The following AGMO variants were observed in gnomAD, a reference collection of about 807,000 sequenced individuals.
AGMO encodes alkylglycerol monooxygenase.
In AGMO, 75 loss-of-function variants were observed where a neutral mutation model predicts 60.2. The observed-to-expected ratio is 1.25, with a 90% CI of 1.03 to 1.51. The LOEUF (loss-of-function observed/expected upper bound fraction) is 1.51. Among genes scored for constraint, AGMO ranks in the 40% most tolerant of loss-of-function variants. AGMO has a pLI of 0.00. For synonymous variants in AGMO, 261 were observed against 177.1 expected, an observed-to-expected ratio of 1.47 and a Z score of -3.76; for missense variants, 763 against 525.5, an observed-to-expected ratio of 1.45 and a Z score of -4.42.
intron 3 of AGMO, among the ~76,000 whole-genome samples, chr7:15,473,049 A>T (rs1375511320): frequency 1.3e-5 from 2 of 151,928 alleles, no homozygotes; most frequent in Non-Finnish European, 2.9e-5. Context: ...ATAAATCTAT[A>T]TTATAAAATA....
At chr7:15,246,124 A>G (rs1049946510) in intron 12 of AGMO, among the ~76,000 whole-genome samples, 7 of 152,226 alleles carry the variant, frequency 4.6e-5, no homozygotes, top group Admixed American at 4.6e-4. Flanking sequence ...AAATCATGTA[A>G]TAATTCAAAC....
At chr7:15,415,564 CA>C (rs1171225938) in intron 5 of AGMO, among the ~76,000 whole-genome samples, 2 of 151,864 alleles carry the variant, frequency 1.3e-5, no homozygotes, top group African/African-American at 4.8e-5. Flanking sequence ...ATCATTGAAT[CA>C]TTCGGTTCAA....
intron 12 of AGMO, among the ~76,000 whole-genome samples, chr7:15,316,755 G>C (rs1346659776): frequency 6.6e-6 from 1 of 152,068 alleles, no homozygotes; most frequent in Non-Finnish European, 1.5e-5. Context: ...AAAAATCCAA[G>C]AAAAAGAAGT....
chr7:15,215,838 T>A (rs1265933692), intron 12 of AGMO, among the ~76,000 whole-genome samples: 1 of 152,060 alleles, frequency 6.6e-6, no homozygotes, highest in Non-Finnish European at 1.5e-5. Context: ...TGCAGTATTA[T>A]GACAATCAGT....
At chr7:15,439,425 C>T (rs1781489994) in intron 3 of AGMO, among the ~76,000 whole-genome samples, 1 of 152,098 alleles carries the variant, frequency 6.6e-6, no homozygotes. Context: ...AAATCCAGAA[C>T]ATATCCTGCA....
At chr7:15,381,699 C>G (rs760892929) in intron 10 of AGMO, among the ~76,000 whole-genome samples, 4 of 152,120 alleles carry the variant, frequency 2.6e-5, no homozygotes, top group African/African-American at 9.7e-5. Flanking sequence ...ATAAATCATT[C>G]TTTTATAAAG....
At chr7:15,357,485 G>C (rs1051269228) in intron 12 of AGMO, among the ~76,000 whole-genome samples, 1 of 152,076 alleles carries the variant, frequency 6.6e-6, no homozygotes, top group Admixed American at 6.6e-5. Context: ...TTTTGCAATT[G>C]ATCTTACTGC....
chr7:15,432,351 C>CAT lies in AGMO; in HGVS notation c.410-1245_410-1244dup, dbSNP rs975380954. On this transcript the variant is annotated intron_variant, in intron 3 of 12. Transcript: ENST00000342526. ...ATGTATATATATATATATATACATA[C>CAT]ATATATATATACACACACATATATA... Among the ~76,000 whole-genome samples the CAT allele has an allele frequency of 5.1e-3, 358 of 70,754 alleles. 2 individuals carry two copies. Among genetic ancestry groups the CAT allele is most frequent in the African/African-American group, 0.02 (338 of 17,106 alleles). The allele number at this position is 70,754 out of a possible 152,430, so 46.4% of individuals were successfully genotyped here. A position where few individuals can be genotyped will look rare whatever the true frequency, so the allele number is the denominator to read the frequency against.
At chr7:15,188,951 C>T in the AGMO span, among the ~76,000 whole-genome samples, 1 of 152,164 alleles carries the variant, frequency 6.6e-6, no homozygotes, top group Non-Finnish European at 1.5e-5. Flanking sequence ...AAATTAGAAA[C>T]AATAATTACA....
At chr7:15,299,886 C>CACACACACACACACA in intron 12 of AGMO, among the ~76,000 whole-genome samples, 1 of 114,642 alleles carries the variant, frequency 8.7e-6, no homozygotes, top group Non-Finnish European at 1.7e-5. Context: ...CACACACACA[C>CACACACACACACACA]AGTATGTTTT....
At chr7:15,215,940 G>A (rs1016765162) in intron 12 of AGMO, among the ~76,000 whole-genome samples, 3 of 152,144 alleles carry the variant, frequency 2.0e-5, no homozygotes, top group African/African-American at 7.2e-5. Context: ...TTAAAAACCC[G>A]TATCGGCTTC....
the AGMO span, among the ~76,000 whole-genome samples, chr7:15,156,371 T>A: frequency 6.6e-6 from 1 of 152,050 alleles, no homozygotes; most frequent in Non-Finnish European, 1.5e-5. Flanking sequence ...TAGGGGGTGC[T>A]CAGATCAGAC....
chr7:15,214,162 A>C (rs1280741335), intron 12 of AGMO, among the ~76,000 whole-genome samples: 1 of 152,022 alleles, frequency 6.6e-6, no homozygotes, highest in Non-Finnish European at 1.5e-5. Context: ...TGTTATGAAA[A>C]ATCTGTAAAA....
chr7:15,491,930 C>CT (rs1783076325), intron 3 of AGMO, among the ~76,000 whole-genome samples: 1 of 152,182 alleles, frequency 6.6e-6, no homozygotes, highest in Admixed American at 6.5e-5. Flanking sequence ...TATTGTCTTG[C>CT]TTCCACACCC....
chr7:15,262,876 A>C (rs770796574), intron 12 of AGMO, among the ~76,000 whole-genome samples: 5 of 152,128 alleles, frequency 3.3e-5, no homozygotes, highest in Non-Finnish European at 5.9e-5. Context: ...CTGGCAAGCC[A>C]CATGTAGAAG....
chr7:15,389,613 C>T (rs4639411), intron 8 of AGMO, among the ~76,000 whole-genome samples: 79,912 of 151,958 alleles, frequency 0.53, 21,378 homozygotes, highest in Middle Eastern at 0.65. Context: ...TGGCCCTTTA[C>T]GTAAAGAGGC....
At chr7:15,471,799 G>T (rs1221145118) in intron 3 of AGMO, among the ~76,000 whole-genome samples, 1 of 151,688 alleles carries the variant, frequency 6.6e-6, no homozygotes, top group Non-Finnish European at 1.5e-5. Context: ...CTTCCACAAG[G>T]TACAGCTCTT....
intron 3 of AGMO, among the ~76,000 whole-genome samples, chr7:15,445,740 A>G (rs1781682639): frequency 6.6e-6 from 1 of 152,168 alleles, no homozygotes; most frequent in Non-Finnish European, 1.5e-5. Context: ...GTTCCCAAAT[A>G]GAGAAGAAAG....
At chr7:15,400,751 C>T (rs1295455352) in intron 5 of AGMO, among the ~76,000 whole-genome samples, 1 of 152,112 alleles carries the variant, frequency 6.6e-6, no homozygotes, top group African/African-American at 2.4e-5. Flanking sequence ...GAAACAAAAT[C>T]ACAGAGCAAG....
Sources: allele counts gnomAD v4.1 joint callset (sites outside exome capture counted in the v4.1 genomes callset), GRCh38; gene constraint gnomAD v4.1.1; transcripts MANE v1.5; gene names NCBI Gene and HGNC (gene_info 2026-07-23, HGNC 2026-07-21).